CORO2B: variants seen among roughly 807,000 people sequenced by gnomAD.
CORO2B encodes the protein coronin 2B.
In CORO2B, 26 loss-of-function variants were observed where a neutral mutation model predicts 58.8. That is an observed-to-expected ratio of 0.44 (90% CI 0.32 to 0.61). CORO2B has a LOEUF of 0.61. Ranked by LOEUF, CORO2B falls within the 20% of genes least tolerant of loss-of-function variation. The pLI is 0.04. For missense variants in CORO2B, 460 were observed against 645.1 expected (o/e 0.71, Z 3.11); for synonymous variants, 242 against 253.8 (o/e 0.95, Z 0.44).
At chr15:68,658,412 A>AGTGG (rs1566998611) in intron 2 of CORO2B, among the ~76,000 whole-genome samples, 7 of 152,262 alleles carry the variant, frequency 4.6e-5, no homozygotes, top group Admixed American at 1.3e-4. Context: ...TCGGCCAGTG[A>AGTGG]GGGGCCAGTG....
intron 1 of CORO2B, among the ~76,000 whole-genome samples, chr15:68,622,736 G>A (rs1900563135): frequency 6.6e-6 from 1 of 152,114 alleles, no homozygotes; most frequent in African/African-American, 2.4e-5. Flanking sequence ...GAATCCTGGG[G>A]ATGCAGCAGA....
chr15:68,710,902 T>A lies in CORO2B; in HGVS notation c.483+21T>A. On this transcript the variant is annotated intron_variant, in intron 4 of 11. Coordinates refer to ENST00000261861, the MANE Select transcript of CORO2B (RefSeq NM_006091.5). The surrounding 1 kb of genome is among the most constrained non-coding windows in gnomAD (Gnocchi z 4.1). The stretch of plus-strand genomic sequence containing the variant: ...ACAAGGTATGCAGTGGGCAGGCAGC[T>A]GGGTGGAGAGGGATTGGGGAAGAGA... 1 of 1,579,828 alleles carries A rather than the reference T, an allele frequency of 6.3e-7. No individual in the cohort carries two copies. The highest frequency in any genetic ancestry group is 8.6e-7 in the Non-Finnish European group (1 of 1,159,480).
intron 5 of CORO2B, 47 bp downstream of exon 5, chr15:68,711,753 T>C (rs374881153): frequency 6.2e-7 from 1 of 1,605,404 alleles, no homozygotes; most frequent in Non-Finnish European, 8.5e-7. Context: ...TATTGAGGGC[T>C]GGGGCTCAGC....
intron 2 of CORO2B, among the ~76,000 whole-genome samples, chr15:68,691,246 G>A (rs1404853413): frequency 2.7e-5 from 4 of 149,542 alleles, no homozygotes; most frequent in East Asian, 4.0e-4. Context: ...GGAGAATGGC[G>A]TGAACCCCGG....
chr15:68,660,843 T>A (rs1901990629), intron 2 of CORO2B, among the ~76,000 whole-genome samples: 1 of 152,224 alleles, frequency 6.6e-6, no homozygotes, highest in Non-Finnish European at 1.5e-5. Context: ...CTTTCACAGC[T>A]TTTTCTGTAA....
At chr15:68,686,893 C>A (rs1328592311) in intron 2 of CORO2B, among the ~76,000 whole-genome samples, 13 of 151,082 alleles carry the variant, frequency 8.6e-5, no homozygotes, top group African/African-American at 2.7e-4. Context: ...GAGCGAAACT[C>A]CGTCTCAAAA....
At chr15:68,545,368 C>T in the CORO2B span, among the ~76,000 whole-genome samples, 3 of 152,162 alleles carry the variant, frequency 2.0e-5, no homozygotes, top group South Asian at 6.2e-4. Context: ...CAGTTCATGG[C>T]CTTCATACTC....
intron 2 of CORO2B, among the ~76,000 whole-genome samples, chr15:68,649,430 G>C (rs922366374): frequency 1.3e-5 from 2 of 152,172 alleles, no homozygotes; most frequent in African/African-American, 2.4e-5. Context: ...GAAACAACCT[G>C]CAGGTCCATC....
chr15:68,548,384 C>T, the CORO2B span, among the ~76,000 whole-genome samples: 1 of 152,096 alleles, frequency 6.6e-6, no homozygotes, highest in Non-Finnish European at 1.5e-5. Flanking sequence ...AACCTATTTG[C>T]AGTGGTGTTC....
chr15:68,547,138 T>C, the CORO2B span, among the ~76,000 whole-genome samples: 2 of 152,160 alleles, frequency 1.3e-5, no homozygotes, highest in Non-Finnish European at 2.9e-5. Flanking sequence ...TCCAGGATAA[T>C]TGCTAGAGGT....
chr15:68,651,970 C>T (rs945381181), intron 2 of CORO2B, among the ~76,000 whole-genome samples: 2 of 152,222 alleles, frequency 1.3e-5, no homozygotes, highest in African/African-American at 4.8e-5. Flanking sequence ...TGCCTTTGTA[C>T]AGCACTCTCA....
intron 11 of CORO2B, among the ~76,000 whole-genome samples, chr15:68,725,082 G>A (rs8032624): frequency 0.84 from 127,837 of 152,212 alleles, 56,228 homozygotes; most frequent in South Asian, 0.96. Flanking sequence ...TAAATTATCA[G>A]CACAAGCCGG....
intron 1 of CORO2B, among the ~76,000 whole-genome samples, chr15:68,639,382 A>G (rs1168281345): frequency 2.0e-5 from 3 of 152,248 alleles, no homozygotes; most frequent in African/African-American, 7.2e-5. Flanking sequence ...AAAGCTTGAA[A>G]TAAGTGCCAA....
At chr15:68,701,478 ATTTTTTTTTTT>A (rs71145193) in intron 3 of CORO2B, among the ~76,000 whole-genome samples, 1 of 38,828 alleles carries the variant, frequency 2.6e-5, no homozygotes, top group Non-Finnish European at 4.5e-5. Flanking sequence ...CGCCCGGCTA[ATTTTTTTTTTT>A]TTTTTTTTTT....
chr15:68,530,559 G>A, the CORO2B span, among the ~76,000 whole-genome samples: 2 of 152,038 alleles, frequency 1.3e-5, no homozygotes, highest in Non-Finnish European at 2.9e-5. Context: ...ATTGAGAGGG[G>A]TATGGAAATC....
Position 68,649,656 on chromosome 15 carries a change from CTATG to C in CORO2B, c.216+4300_216+4303del, listed in dbSNP as rs769691947. ...AAAATAAAAATGAAGGAATTTTAAA[CTATG>C]TATTTATTAACTTGCATAATGATAA... On this transcript the variant is annotated intron_variant, in intron 2 of 11. Transcript: ENST00000261861. Among the ~76,000 whole-genome samples the C allele has an allele frequency of 7.2e-5, 11 of 152,256 alleles. 1 individual carries two copies. The East Asian group carries it at 1.7e-3, about 24-fold the overall frequency.
chr15:68,573,171 A>G, the CORO2B span, among the ~76,000 whole-genome samples: 149,879 of 152,118 alleles, frequency 0.99, 73,879 homozygotes, highest in East Asian at 1. Flanking sequence ...GGTGAAAGAC[A>G]ACACCCCAGG....
chr15:68,583,411 T>C (rs908013575), intron 1 of CORO2B, among the ~76,000 whole-genome samples: 1 of 152,182 alleles, frequency 6.6e-6, no homozygotes, highest in Non-Finnish European at 1.5e-5. Context: ...CGGTCCTGAC[T>C]CATGGTCAGT....
the CORO2B span, among the ~76,000 whole-genome samples, chr15:68,570,752 T>C: frequency 6.7e-6 from 1 of 149,504 alleles, no homozygotes; most frequent in Non-Finnish European, 1.5e-5. Context: ...AAGACCCCCA[T>C]GGTGCAGCAG....
Sources: gnomAD v4.1 joint callset for allele counts (sites outside exome capture counted in the v4.1 genomes callset) on GRCh38, gnomAD v4.1.1 for gene constraint, Gnocchi (gnomAD v3.1) non-coding constraint, MANE v1.5 for transcripts, NCBI Gene and HGNC (gene_info 2026-07-23, HGNC 2026-07-21) for gene names.